PLA2G7: variants seen among roughly 807,000 people sequenced by gnomAD.
PLA2G7 encodes the protein phospholipase A2 group VII.
PLA2G7 carries 63 observed loss-of-function variants against 49.6 expected under a neutral mutation model. The observed-to-expected ratio is 1.27, with a 90% CI of 1.04 to 1.57. The LOEUF (loss-of-function observed/expected upper bound fraction) is 1.57. PLA2G7 is among the 40% of genes most tolerant of loss of function. PLA2G7 has a pLI of 0.00. For synonymous variants in PLA2G7, 193 were observed against 169.9 expected (o/e 1.14, Z -1.06); for missense variants, 596 against 521.2 (o/e 1.14, Z -1.40).
At chr6:46,733,024 T>C (rs1437093180) in intron 1 of PLA2G7, among the ~76,000 whole-genome samples, 1 of 152,100 alleles carries the variant, frequency 6.6e-6, no homozygotes, top group African/African-American at 2.4e-5. Context: ...TAATCCAATA[T>C]CCACCTTCCT....
At chr6:46,735,151 C>A (rs1167317374) in intron 1 of PLA2G7, 29 bp downstream of exon 1, 1 of 151,860 alleles carries the variant, frequency 6.6e-6, no homozygotes, top group Non-Finnish European at 1.5e-5. Context: ...TCCTCCCACT[C>A]CCGCCTCGCC....
intron 2 of PLA2G7, among the ~76,000 whole-genome samples, chr6:46,722,529 C>A (rs557058934): frequency 3.3e-5 from 5 of 152,222 alleles, no homozygotes; most frequent in Middle Eastern, 6.8e-3. Flanking sequence ...GCAAGCTGAG[C>A]GTCCAGTATA....
intron 1 of PLA2G7, among the ~76,000 whole-genome samples, chr6:46,729,382 GA>G (rs1765666555): frequency 6.6e-6 from 1 of 152,158 alleles, no homozygotes; most frequent in East Asian, 1.9e-4. Context: ...GGCAAGATTA[GA>G]AATGAAGTGC....
At chr6:46,731,474 T>C (rs886292393) in intron 1 of PLA2G7, among the ~76,000 whole-genome samples, 23 of 152,340 alleles carry the variant, frequency 1.5e-4, no homozygotes, top group Admixed American at 1.3e-3. Flanking sequence ...TTATTCTATT[T>C]TTGAATTTTT....
chr6:46,731,954 C>T (rs1326745958), intron 1 of PLA2G7, among the ~76,000 whole-genome samples: 1 of 152,202 alleles, frequency 6.6e-6, no homozygotes, highest in Non-Finnish European at 1.5e-5. Context: ...TCTGTCCCCT[C>T]TCCTTCCCCT....
intron 1 of PLA2G7, among the ~76,000 whole-genome samples, chr6:46,726,765 C>A (rs1217749877): frequency 6.6e-6 from 1 of 152,038 alleles, no homozygotes; most frequent in East Asian, 1.9e-4. Flanking sequence ...CCTCAGCCTT[C>A]TGAGTAGCTG....
chr6:46,710,350 T>A (rs1360302291), intron 8 of PLA2G7, among the ~76,000 whole-genome samples, 195 bp downstream of exon 8: 4 of 152,200 alleles, frequency 2.6e-5, no homozygotes, highest in Admixed American at 2.6e-4. Flanking sequence ...CAATTTCATA[T>A]CTAGTCCAAG....
At chr6:46,723,484 T>C (rs1003160820) in intron 1 of PLA2G7, among the ~76,000 whole-genome samples, 14 of 152,280 alleles carry the variant, frequency 9.2e-5, no homozygotes, top group African/African-American at 3.1e-4. Context: ...CAGTGCCTAA[T>C]AGAGGGCCTG....
intron 1 of PLA2G7, among the ~76,000 whole-genome samples, chr6:46,728,803 T>C (rs1020854506): frequency 1.3e-5 from 2 of 152,216 alleles, no homozygotes; most frequent in Non-Finnish European, 2.9e-5. Flanking sequence ...GGCTACATGA[T>C]GGTTAGGTTA....
At chr6:46,719,916 C>CT (rs1334499900) in intron 2 of PLA2G7, among the ~76,000 whole-genome samples, 1 of 151,796 alleles carries the variant, frequency 6.6e-6, no homozygotes, top group South Asian at 2.1e-4. Flanking sequence ...ACCCCAGAAA[C>CT]TTTTTTTTTA....
At chr6:46,708,567 A>G (rs749390911) in intron 9 of PLA2G7, among the ~76,000 whole-genome samples, 1 of 152,168 alleles carries the variant, frequency 6.6e-6, no homozygotes, top group African/African-American at 2.4e-5. Context: ...TAGAGTAACA[A>G]TTGGGCCCAT....
chr6:46,706,345 TAAA>T (rs1764826584), intron 10 of PLA2G7, among the ~76,000 whole-genome samples: 2 of 152,072 alleles, frequency 1.3e-5, no homozygotes, highest in South Asian at 4.1e-4. Flanking sequence ...GTCAGAAACA[TAAA>T]GAAGATAAAC....
chr6:46,725,516 C>A (rs763045428), intron 1 of PLA2G7, among the ~76,000 whole-genome samples: 54 of 151,996 alleles, frequency 3.6e-4, no homozygotes, highest in Non-Finnish European at 6.6e-4. Flanking sequence ...AGTCATCAGC[C>A]GCCGTGTCCA....
intron 1 of PLA2G7, among the ~76,000 whole-genome samples, chr6:46,734,291 A>C (rs1281462173): frequency 6.6e-6 from 1 of 151,926 alleles, no homozygotes; most frequent in Non-Finnish European, 1.5e-5. Context: ...GGCTCCAAAA[A>C]CGCAATACTC....
intron 5 of PLA2G7, among the ~76,000 whole-genome samples, chr6:46,714,225 C>A (rs45579735): frequency 8.2e-4 from 125 of 152,226 alleles, no homozygotes; most frequent in African/African-American, 3.0e-3. Flanking sequence ...ATAGAAAATG[C>A]AACACCCTTT....
intron 2 of PLA2G7, 150 bp from the exon 3 acceptor site, chr6:46,717,246 G>A (rs780737291): frequency 2.7e-6 from 2 of 741,160 alleles, no homozygotes; most frequent in East Asian, 2.7e-5. Flanking sequence ...AATTATTGAG[G>A]GTCTGCTCTG....
rs777923006 is a variant in PLA2G7 at position 46,711,478 on chromosome 6, C to T, written c.663+18G>A. ...TGCTTTTAGGTCACCAACCACCTCT[C>T]CTTTCACTGCAATGTACCTGCTCAT... On this transcript the variant is annotated intron_variant, in intron 7 of 11. Transcript: ENST00000274793. 1.2e-6 allele frequency: 2 copies of T among 1,613,076 alleles called. No homozygotes were observed. The highest frequency in any genetic ancestry group is 1.7e-6 in the Non-Finnish European group (2 of 1,179,278).
intron 1 of PLA2G7, among the ~76,000 whole-genome samples, chr6:46,732,103 G>T (rs931896502): frequency 6.6e-6 from 1 of 152,064 alleles, no homozygotes; most frequent in Non-Finnish European, 1.5e-5. Context: ...GCCTATGAGG[G>T]TCTTCCTGAC....
In PLA2G7 at chr6:46,735,244, C is replaced by A. The variant is rs1765887986; in HGVS notation, c.-99G>T. 1.3e-5 allele frequency: 2 copies of A among 152,272 alleles called. No individual in the cohort carries two copies. The highest frequency in any genetic ancestry group is 2.9e-5 in the Non-Finnish European group (2 of 68,088). 9.4% of individuals were successfully genotyped at this position (152,272 alleles called of 1,614,324 possible). A position where few individuals can be genotyped will look rare whatever the true frequency, so the allele number is the denominator to read the frequency against. ...CTGGGCGCGTTCCACCGCGCACCAA[C>A]GCGACCCAAGCGCTCCAAACCCGAC... On this transcript the variant is annotated 5_prime_UTR_variant, in exon 1 of 12. Coordinates refer to ENST00000274793, the MANE Select transcript of PLA2G7 (RefSeq NM_005084.4).
Sources: gnomAD v4.1 joint callset for allele counts (sites outside exome capture counted in the v4.1 genomes callset) on GRCh38, gnomAD v4.1.1 for gene constraint, MANE v1.5 for transcripts, NCBI Gene and HGNC (gene_info 2026-07-23, HGNC 2026-07-21) for gene names.